The following PCBP3 variants were observed in gnomAD, a reference collection of about 807,000 sequenced individuals.
PCBP3 encodes the protein poly(rC)-binding protein 3.
In PCBP3, 25 loss-of-function variants were observed where a neutral mutation model predicts 52.7. That is an observed-to-expected ratio of 0.47 (90% CI 0.35 to 0.66). The LOEUF (loss-of-function observed/expected upper bound fraction) is 0.66, where lower values mean the gene tolerates loss of function less well. Among genes scored for constraint, PCBP3 ranks in the 30% least tolerant of loss-of-function variants. The pLI is 0.01. For synonymous variants in PCBP3, 162 were observed against 183.0 expected (o/e 0.89, Z 0.93); for missense variants, 391 against 490.3 (o/e 0.80, Z 1.91).
At chr21:45,832,158 T>C (rs529358370) in intron 4 of PCBP3, among the ~76,000 whole-genome samples, 2 of 152,314 alleles carry the variant, frequency 1.3e-5, no homozygotes, top group African/African-American at 4.8e-5. Context: ...GGGAAAGGCA[T>C]GCGCAATTCC....
At chr21:45,913,824 C>A in intron 11 of PCBP3, 127 bp from the exon 12 acceptor site, 1 of 820,258 alleles carries the variant, frequency 1.2e-6, no homozygotes, top group Non-Finnish European at 1.9e-6. Flanking sequence ...CTGCGAAACT[C>A]GGGGAGGTGT....
chr21:45,756,724 A>C (rs903339626), intron 4 of PCBP3, among the ~76,000 whole-genome samples: 5 of 151,796 alleles, frequency 3.3e-5, no homozygotes, highest in African/African-American at 1.2e-4. Flanking sequence ...GGATTTGCCT[A>C]CTCTGAAGTT....
chr21:45,798,307 G>A (rs2092107836), intron 4 of PCBP3, among the ~76,000 whole-genome samples: 1 of 151,494 alleles, frequency 6.6e-6, no homozygotes, highest in South Asian at 2.1e-4. Flanking sequence ...GATCCATAGA[G>A]TGAATGTATG....
intron 5 of PCBP3, among the ~76,000 whole-genome samples, chr21:45,890,228 C>T (rs924445233): frequency 1.5e-4 from 23 of 152,378 alleles, no homozygotes; most frequent in African/African-American, 4.3e-4. Flanking sequence ...CAACACTGCA[C>T]GCCCGCTGGG....
intron 15 of PCBP3, among the ~76,000 whole-genome samples, chr21:45,931,426 A>G (rs948395417): frequency 3.9e-5 from 6 of 152,160 alleles, no homozygotes; most frequent in Admixed American, 3.9e-4. Context: ...CCCTCCCCTC[A>G]CCAAGGCCCT....
chr21:45,712,586 C>A (rs1359601559), intron 2 of PCBP3, among the ~76,000 whole-genome samples: 3 of 152,148 alleles, frequency 2.0e-5, no homozygotes, highest in Admixed American at 6.5e-5. Flanking sequence ...GTCTCCGAAT[C>A]TTTACTGACA....
chr21:45,923,939 GATCA>G (rs2074899066), intron 13 of PCBP3, among the ~76,000 whole-genome samples: 1 of 62,732 alleles, frequency 1.6e-5, no homozygotes, highest in African/African-American at 1.3e-4. Flanking sequence ...GCACACGTAA[GATCA>G]GGTGTGCACG....
At chr21:45,820,800 A>G (rs149416960) in intron 4 of PCBP3, among the ~76,000 whole-genome samples, 121 of 152,176 alleles carry the variant, frequency 8.0e-4, no homozygotes, top group African/African-American at 2.8e-3. Flanking sequence ...CGGTTTAGAA[A>G]TATCCTGGTG....
rs888864379 is a variant in PCBP3 at position 45,928,233 on chromosome 21, C to T, written c.718-1684C>T. On this transcript the variant is annotated intron_variant, in intron 13 of 17. Coordinates refer to ENST00000681687, the MANE Select transcript of PCBP3 (RefSeq NM_001384156.1). This position sits in a 1 kb window ranked among gnomAD's most constrained non-coding sequence, Gnocchi z 4.1. Reference sequence around the variant, plus strand: ...GGACAGGATGTCCCCCACAAGCTCTCCTGGCACCCTCGTCAGGGGCTTCCA... The same window carrying T: ...GGACAGGATGTCCCCCACAAGCTCTTCTGGCACCCTCGTCAGGGGCTTCCA... Among the ~76,000 whole-genome samples the T allele has an allele frequency of 6.6e-6, 1 of 152,196 alleles. No individual in the cohort carries two copies. Among genetic ancestry groups the T allele is most frequent in the Non-Finnish European group, 1.5e-5 (1 of 68,012 alleles).
intron 2 of PCBP3, among the ~76,000 whole-genome samples, chr21:45,695,300 C>G (rs1266907691): frequency 6.6e-6 from 1 of 152,154 alleles, no homozygotes; most frequent in Non-Finnish European, 1.5e-5. Flanking sequence ...TGGAGGGACA[C>G]GGGTAGAGGA....
intron 4 of PCBP3, among the ~76,000 whole-genome samples, chr21:45,812,038 A>G (rs2092699219): frequency 6.6e-6 from 1 of 152,182 alleles, no homozygotes; most frequent in Non-Finnish European, 1.5e-5. Context: ...AAAAATTTTA[A>G]TATACAATTT....
rs572020946 is a variant in PCBP3, at chr21:45,927,630, C to T, written c.718-2287C>T. Among the ~76,000 whole-genome samples the T allele has an allele frequency of 4.0e-5, 6 of 151,852 alleles. No individual in the cohort carries two copies. The South Asian group carries it at 6.2e-4, about 16-fold the overall frequency. ...ACCGCCCAGTGCTAGTCCAGGCCTC[C>T]CTAGGACGTCCCCTACATTTGTAGG... On this transcript the variant is annotated intron_variant, in intron 13 of 17. Transcript: ENST00000681687.
chr21:45,700,129 G>A (rs1160474808), intron 2 of PCBP3, among the ~76,000 whole-genome samples: 1 of 152,208 alleles, frequency 6.6e-6, no homozygotes, highest in Admixed American at 6.5e-5. Flanking sequence ...CTGGTGGGAG[G>A]CTCTGCAATA....
intron 3 of PCBP3, among the ~76,000 whole-genome samples, chr21:45,753,625 C>G (rs1323397828): frequency 1.3e-5 from 2 of 151,262 alleles, no homozygotes; most frequent in Non-Finnish European, 3.0e-5. Context: ...CTTATTTTTT[C>G]TTCCTTCCCT....
chr21:45,722,715 AATGTAGCCGGGCAC>A (rs1474831222), intron 2 of PCBP3, among the ~76,000 whole-genome samples: 3 of 152,134 alleles, frequency 2.0e-5, no homozygotes, highest in African/African-American at 7.2e-5. Context: ...TATATAGGTA[AATGTAGCCGGGCAC>A]AGTGGCTCAC....
In PCBP3 at chr21:45,869,024, G is replaced by A. The variant is rs554151595; in HGVS notation, c.10+18929G>A. ...TTTATTTTATGGATTTTACCTGTGC[G>A]GTATTTAGGGTTGTGTTTATGAATA... On this transcript the variant is annotated intron_variant, in intron 5 of 17. Transcript: ENST00000681687. 9.8e-5 allele frequency among the ~76,000 whole-genome samples: 15 copies of A among 152,342 alleles called. No homozygotes were observed. In the East Asian group the frequency reaches 2.9e-3, roughly 29 times the overall value.
chr21:45,876,601 G>C (rs931732894), intron 5 of PCBP3, among the ~76,000 whole-genome samples: 2 of 152,210 alleles, frequency 1.3e-5, no homozygotes, highest in African/African-American at 4.8e-5. Flanking sequence ...AATTCCAGAA[G>C]CCTCCCCTGC....
At chr21:45,824,704 G>A (rs1391169689) in intron 4 of PCBP3, among the ~76,000 whole-genome samples, 1 of 152,178 alleles carries the variant, frequency 6.6e-6, no homozygotes, top group Non-Finnish European at 1.5e-5. Context: ...GTTTCTGAGG[G>A]TGTTGGTAGC....
chr21:45,807,928 C>G (rs1215059975), intron 4 of PCBP3, among the ~76,000 whole-genome samples: 1 of 152,066 alleles, frequency 6.6e-6, no homozygotes, highest in Non-Finnish European at 1.5e-5. Flanking sequence ...ATACACCTGA[C>G]AAAAACAAGC....
Sources: gnomAD v4.1 joint callset for allele counts (sites outside exome capture counted in the v4.1 genomes callset) on GRCh38, gnomAD v4.1.1 for gene constraint, Gnocchi (gnomAD v3.1) non-coding constraint, MANE v1.5 for transcripts, NCBI Gene and HGNC (gene_info 2026-07-23, HGNC 2026-07-21) for gene names.